Variants in CDC42BPB observed in about 807,000 individuals in gnomAD.
The protein encoded by CDC42BPB is serine/threonine-protein kinase MRCK beta.
Under a neutral mutation model 214.9 loss-of-function variants are expected in CDC42BPB, and 37 were observed. The ratio of observed to expected loss-of-function variants is 0.17; its 90% CI spans 0.13 to 0.23. CDC42BPB has a LOEUF of 0.23. Ranked by LOEUF, CDC42BPB falls within the 10% of genes least tolerant of loss-of-function variation. The pLI is 1.00. For missense variants in CDC42BPB, 1,694 were observed against 2,227.0 expected (o/e 0.76, Z 4.82); for synonymous variants, 931 against 884.0 (o/e 1.05, Z -0.94).
chr14:103,024,208 C>T (rs796857953), intron 1 of CDC42BPB, among the ~76,000 whole-genome samples: 6 of 152,318 alleles, frequency 3.9e-5, no homozygotes, highest in African/African-American at 1.4e-4. Flanking sequence ...TGGAAGGCCT[C>T]GGACTTGTCT....
At chr14:103,015,192 G>A (rs1886388962) in intron 1 of CDC42BPB, among the ~76,000 whole-genome samples, 3 of 152,208 alleles carry the variant, frequency 2.0e-5, no homozygotes, top group Admixed American at 1.3e-4. Flanking sequence ...CTGTGTGCAG[G>A]CAGGAGCAAG....
chr14:103,056,957 G>A (rs1167170681), intron 1 of CDC42BPB, 42 bp downstream of exon 1: 2 of 1,296,158 alleles, frequency 1.5e-6, no homozygotes, highest in Admixed American at 3.6e-5. Flanking sequence ...GGGGCGCGGG[G>A]GTCGCAGAGC....
intron 1 of CDC42BPB, among the ~76,000 whole-genome samples, chr14:103,053,461 A>G (rs115035469): frequency 0.099 from 15,017 of 151,686 alleles, 1,080 homozygotes; most frequent in African/African-American, 0.2. Flanking sequence ...AAAACCTACA[A>G]TGAAAGTTGA....
At chr14:102,989,158 G>A (rs1374288374) in intron 5 of CDC42BPB, among the ~76,000 whole-genome samples, 3 of 152,122 alleles carry the variant, frequency 2.0e-5, no homozygotes, top group Non-Finnish European at 4.4e-5. Flanking sequence ...ATACAAACAT[G>A]ATGGTCAACA....
chr14:102,984,861 C>A (rs1413936918), intron 6 of CDC42BPB, among the ~76,000 whole-genome samples: 2 of 152,344 alleles, frequency 1.3e-5, no homozygotes, highest in East Asian at 3.9e-4. Flanking sequence ...AATGGATCAG[C>A]AGAGAACTCC....
At chr14:102,974,758 C>T (rs2139488103) in intron 11 of CDC42BPB, among the ~76,000 whole-genome samples, 1 of 152,188 alleles carries the variant, frequency 6.6e-6, no homozygotes, top group African/African-American at 2.4e-5. Context: ...GAGATCGAGA[C>T]CATCCTGGCT....
chr14:102,946,193 A>AT (rs59078830), intron 28 of CDC42BPB, among the ~76,000 whole-genome samples: 1,622 of 145,294 alleles, frequency 0.011, 14 homozygotes, highest in African/African-American at 0.029. Flanking sequence ...TTTTATTTTT[A>AT]TTTTTTTTTT....
rs751949292 is a variant in CDC42BPB at position 102,983,664 on chromosome 14, C to T, written c.783G>A (p.Glu261=). 1 of 1,614,058 alleles carries T rather than the reference C, an allele frequency of 6.2e-7. No individual in the cohort carries two copies. The highest frequency in any genetic ancestry group is 8.5e-7 in the Non-Finnish European group (1 of 1,180,052). ...AGACACCCAGAGACCACCAGTCACA[C>T]TCAGGCCCGTATTTGCCCATGCCGT... The part of the protein sequence containing the change: ...MEDGMGKYGP[E]CDWWSLGVCM... The change falls in exon 7 of 37, where the codon GAG becomes GAA. Residue 261 remains glutamate (E), a synonymous_variant. Coordinates refer to ENST00000361246, the MANE Select transcript of CDC42BPB (RefSeq NM_006035.4).
chr14:103,054,592 A>G (rs368682707), intron 1 of CDC42BPB, among the ~76,000 whole-genome samples: 66 of 152,382 alleles, frequency 4.3e-4, no homozygotes, highest in South Asian at 3.5e-3. Flanking sequence ...CATGTTAACT[A>G]GAAATACACC....
At chr14:102,938,486 A>G (rs1404458642) in intron 34 of CDC42BPB, 75 bp from the exon 35 acceptor site, 8 of 1,494,208 alleles carry the variant, frequency 5.4e-6, no homozygotes, top group Admixed American at 2.4e-5. Flanking sequence ...TGTGCAACCT[A>G]CGGTGGCTGT....
chr14:103,015,370 C>G (rs1257485759), intron 1 of CDC42BPB, among the ~76,000 whole-genome samples: 1 of 152,084 alleles, frequency 6.6e-6, no homozygotes, highest in Non-Finnish European at 1.5e-5. Context: ...GGCTGTAATC[C>G]CAGCTACTCA....
chr14:103,043,995 T>C (rs1164385801), intron 1 of CDC42BPB, among the ~76,000 whole-genome samples: 1 of 152,218 alleles, frequency 6.6e-6, no homozygotes, highest in Non-Finnish European at 1.5e-5. Context: ...CACAGTATAA[T>C]ATCAATGCCA....
chr14:103,056,924 G>T, intron 1 of CDC42BPB, 75 bp downstream of exon 1: 1 of 1,087,458 alleles, frequency 9.2e-7, no homozygotes, highest in Non-Finnish European at 1.2e-6. Flanking sequence ...GCGGGGATGG[G>T]CGGGCGTGGG....
intron 2 of CDC42BPB, among the ~76,000 whole-genome samples, chr14:103,009,298 G>A (rs2139631606): frequency 6.6e-6 from 1 of 152,338 alleles, no homozygotes; most frequent in African/African-American, 2.4e-5. Flanking sequence ...TAGAGTCACT[G>A]TGAGAGCTGC....
At position 102,954,291 on chromosome 14, in the gene CDC42BPB, G is replaced by T; in HGVS notation, c.2989-16C>A. 2 of 1,511,468 alleles carry T rather than the reference G, an allele frequency of 1.3e-6. No individual in the cohort carries two copies. Among genetic ancestry groups the T allele is most frequent in the Non-Finnish European group, 1.8e-6 (2 of 1,131,554 alleles). 93.6% of individuals were successfully genotyped at this position (1,511,468 alleles called of 1,614,324 possible). ...GAGCCATGTCCTGGGAGACAAGCAG[G>T]ACAGGTGAGTGTCGGCCCAGCTCAG... is the stretch of plus-strand genomic sequence containing the variant. On this transcript the variant is annotated splice_polypyrimidine_tract_variant and intron_variant, in intron 22 of 36. Transcript: ENST00000361246.
At chr14:103,016,420 C>G (rs1482551807) in intron 1 of CDC42BPB, among the ~76,000 whole-genome samples, 1 of 151,986 alleles carries the variant, frequency 6.6e-6, no homozygotes, top group Non-Finnish European at 1.5e-5. Flanking sequence ...TCAGAGCTCC[C>G]CAGGATTGGC....
At chr14:103,043,706 G>A (rs914376429) in intron 1 of CDC42BPB, among the ~76,000 whole-genome samples, 9 of 151,748 alleles carry the variant, frequency 5.9e-5, no homozygotes, top group Non-Finnish European at 1.2e-4. Context: ...AAATTATCTG[G>A]TAATTGTAAA....
intron 30 of CDC42BPB, chr14:102,941,385 T>A: frequency 1.0e-6 from 1 of 985,428 alleles, no homozygotes; most frequent in Non-Finnish European, 1.2e-6. Flanking sequence ...GGCTACAAGA[T>A]CAGGACTTTT....
At chr14:103,017,050 G>A (rs1321302632) in intron 1 of CDC42BPB, among the ~76,000 whole-genome samples, 2 of 152,192 alleles carry the variant, frequency 1.3e-5, no homozygotes, top group Non-Finnish European at 2.9e-5. Context: ...GGCTGGGTGC[G>A]GTGGCTCATG....
Sources: gnomAD v4.1 joint callset for allele counts (sites outside exome capture counted in the v4.1 genomes callset) on GRCh38, gnomAD v4.1.1 for gene constraint, MANE v1.5 for transcripts, NCBI Gene and HGNC (gene_info 2026-07-23, HGNC 2026-07-21) for gene names.